The following USP34 variants were observed in gnomAD, a reference collection of about 807,000 sequenced individuals.
USP34 encodes the protein ubiquitin carboxyl-terminal hydrolase 34.
Under a neutral mutation model 460.3 loss-of-function variants are expected in USP34, and 70 were observed. The observed-to-expected ratio is 0.15, with a 90% CI of 0.13 to 0.19. USP34 has a LOEUF of 0.19. USP34 is among the 10% of genes least tolerant of loss of function. The probability of loss-of-function intolerance (pLI) is 1.00; values close to 1 mark genes in which losing one functional copy is unlikely to be tolerated. For synonymous variants in USP34, 1,647 were observed against 1,405.3 expected (o/e 1.17, Z -3.85); for missense variants, 3,985 against 4,236.2 (o/e 0.94, Z 1.65).
intron 75 of USP34, among the ~76,000 whole-genome samples, chr2:61,194,942 A>G (rs1686753471): frequency 8.1e-6 from 1 of 123,630 alleles, no homozygotes; most frequent in East Asian, 2.4e-4. Context: ...AACAAGAGTG[A>G]AACTCTGTCA....
intron 1 of USP34, among the ~76,000 whole-genome samples, chr2:61,467,627 T>TTG (rs1553397187): frequency 1.4e-5 from 2 of 143,290 alleles, no homozygotes; most frequent in African/African-American, 5.3e-5. Context: ...GTTTTTTTTT[T>TTG]TTTTTTTTTT....
chr2:61,240,072 A>T (rs144902563), intron 53 of USP34, among the ~76,000 whole-genome samples: 2 of 151,342 alleles, frequency 1.3e-5, no homozygotes, highest in East Asian at 3.9e-4. Context: ...TTTTTTATCC[A>T]GATAGTAAAA....
intron 27 of USP34, among the ~76,000 whole-genome samples, chr2:61,307,548 G>C (rs575604946): frequency 4.6e-5 from 7 of 151,524 alleles, no homozygotes; most frequent in Middle Eastern, 3.4e-3. Flanking sequence ...ATAAGACTTG[G>C]ATGTTAATTA....
intron 30 of USP34, among the ~76,000 whole-genome samples, chr2:61,295,592 G>A (rs1024163244): frequency 1.3e-5 from 2 of 152,126 alleles, no homozygotes; most frequent in African/African-American, 4.8e-5. Context: ...AGTTGAGTGG[G>A]TAAACTTCTA....
intron 64 of USP34, 126 bp from the exon 65 acceptor site, chr2:61,222,789 C>T (rs775970792): frequency 1.3e-5 from 11 of 854,522 alleles, no homozygotes; most frequent in Non-Finnish European, 2.0e-5. Context: ...CTCCACTTCT[C>T]AGGCTCAAGC....
At chr2:61,418,271 G>C (rs1414327021) in intron 2 of USP34, among the ~76,000 whole-genome samples, 1 of 151,638 alleles carries the variant, frequency 6.6e-6, no homozygotes, top group Admixed American at 6.6e-5. Context: ...GTAGAGATGG[G>C]GTTTCACCAT....
rs1376133783 is a variant in USP34, at chr2:61,188,147, A to G, written c.10596T>C (p.His3532=). The G allele has an allele frequency of 6.2e-7, 1 of 1,614,036 alleles. No individual in the cohort carries two copies. The highest frequency in any genetic ancestry group is 1.1e-5 in the South Asian group (1 of 91,012). ...CTTTGCCAGATATCCTTGTGACGAC[A>G]TGGATTGTAGATTCAATGGTCCTAC... ...TLCRTIESTI[H]VVTRISGKGN... Residue 3532 remains histidine (H), a synonymous_variant, in exon 80 of 80, where the codon CAT becomes CAC. Coordinates refer to ENST00000398571, the MANE Select transcript of USP34 (RefSeq NM_014709.4).
intron 29 of USP34, among the ~76,000 whole-genome samples, chr2:61,297,148 T>C (rs1399479093): frequency 6.6e-6 from 1 of 152,218 alleles, no homozygotes; most frequent in Non-Finnish European, 1.5e-5. Flanking sequence ...AGAAAAGCTT[T>C]CCTCTAAGAC....
At chr2:61,385,671 C>CAAA (rs61200102) in intron 5 of USP34, among the ~76,000 whole-genome samples, 10,258 of 45,910 alleles carry the variant, frequency 0.22, 1,318 homozygotes, top group Non-Finnish European at 0.24. Context: ...GACTCTGTCT[C>CAAA]AAAAAAAAAA....
chr2:61,380,177 G>T lies in USP34; in HGVS notation c.1006C>A (p.Gln336Lys). 6.2e-7 allele frequency: 1 copy of T among 1,612,492 alleles called. No homozygotes were observed. The highest frequency in any genetic ancestry group is 1.1e-5 in the South Asian group (1 of 90,946). ...AAACAAATACAGCTTACTGTTATCT[G>T]ACTCAATCCAGCCAACCTCATAGTC... Reference protein sequence around the residue: ...TLTMRLAGLSQITNQLHTFND... With the variant: ...TLTMRLAGLSKITNQLHTFND... The change falls in exon 7 of 80, where the codon CAG becomes AAG. Residue 336 changes from glutamine to lysine, a missense_variant. This residue lies in a region of USP34 where 70 missense variants were observed against 109.5 expected (regional missense o/e 0.64). Coordinates refer to ENST00000398571, the MANE Select transcript of USP34 (RefSeq NM_014709.4).
At chr2:61,228,031 A>G (rs768336094) in intron 61 of USP34, among the ~76,000 whole-genome samples, 1 of 152,234 alleles carries the variant, frequency 6.6e-6, no homozygotes, top group Non-Finnish European at 1.5e-5. Flanking sequence ...AAGCATTACA[A>G]AACAGTGTTT....
At chr2:61,221,354 G>C (rs1027964967) in intron 66 of USP34, 148 bp downstream of exon 66, 3 of 663,896 alleles carry the variant, frequency 4.5e-6, no homozygotes, top group South Asian at 4.3e-5. Flanking sequence ...TAGGAGACTA[G>C]CTAGGAACTC....
intron 53 of USP34, among the ~76,000 whole-genome samples, chr2:61,238,371 T>C (rs991701381): frequency 2.0e-5 from 3 of 152,180 alleles, no homozygotes; most frequent in Non-Finnish European, 4.4e-5. Context: ...CTTCACATGA[T>C]TACCTCTTCT....
At position 61,192,925 on chromosome 2, in the gene USP34, A is replaced by G. The variant is rs1433888898; in HGVS notation, c.9564T>C (p.Leu3188=). 1.2e-6 allele frequency: 2 copies of G among 1,613,878 alleles called. No homozygotes were observed. Among genetic ancestry groups the G allele is most frequent in the South Asian group, 1.1e-5 (1 of 91,036 alleles). The change falls in exon 76 of 80, where the codon CTT becomes CTC. Residue 3188 remains leucine (L), a synonymous_variant. Coordinates refer to ENST00000398571, the MANE Select transcript of USP34 (RefSeq NM_014709.4). ...LPLHLALFPK[L]WTELCQTQSA... Reference sequence around the variant, plus strand: ...CCTGAGTCTGGCATAGCTCAGTCCAAAGTTTGGGGAACAGTGCAAGATGAA... The same window carrying G: ...CCTGAGTCTGGCATAGCTCAGTCCAGAGTTTGGGGAACAGTGCAAGATGAA...
chr2:61,334,507 C>T (rs1034413871), intron 18 of USP34, among the ~76,000 whole-genome samples: 7 of 152,080 alleles, frequency 4.6e-5, no homozygotes, highest in African/African-American at 1.7e-4. Flanking sequence ...AGGAGGTTGG[C>T]TGCATGAGCC....
At chr2:61,439,054 G>T (rs11899257) in intron 1 of USP34, among the ~76,000 whole-genome samples, 2,318 of 152,212 alleles carry the variant, frequency 0.015, 52 homozygotes, top group African/African-American at 0.051. Context: ...AATCAAGAAG[G>T]CAATTTCATT....
intron 32 of USP34, 143 bp from the exon 33 acceptor site, chr2:61,293,693 A>G: frequency 3.3e-6 from 2 of 602,036 alleles, no homozygotes; most frequent in Non-Finnish European, 5.7e-6. Context: ...AATAATTTCT[A>G]GACAAAATAA....
intron 2 of USP34, among the ~76,000 whole-genome samples, chr2:61,415,462 G>A (rs1197980246): frequency 6.6e-6 from 1 of 152,156 alleles, no homozygotes; most frequent in Non-Finnish European, 1.5e-5. Context: ...CCTAAGAATT[G>A]ATGTAACTAT....
chr2:61,206,224 G>C, intron 71 of USP34, 100 bp from the exon 72 acceptor site: 4 of 975,570 alleles, frequency 4.1e-6, no homozygotes, highest in African/African-American at 1.6e-5. Context: ...TAGAAATTCA[G>C]GTTAATTACA....
Sources: allele counts gnomAD v4.1 joint callset (sites outside exome capture counted in the v4.1 genomes callset), GRCh38; gene constraint gnomAD v4.1.1; regional missense constraint gnomAD v4.1.1; transcripts MANE v1.5; gene names NCBI Gene and HGNC (gene_info 2026-07-23, HGNC 2026-07-21).